GPR158: variants seen among roughly 807,000 people sequenced by gnomAD.
GPR158 encodes the protein G protein-coupled receptor 158.
Under a neutral mutation model 78.2 loss-of-function variants are expected in GPR158, and 30 were observed. That is an observed-to-expected ratio of 0.38 (90% CI 0.29 to 0.52). GPR158 has a LOEUF of 0.52. GPR158 is among the 20% of genes least tolerant of loss of function. The pLI, the probability that GPR158 is intolerant of heterozygous loss-of-function variation, is 0.83. For synonymous variants in GPR158, 581 were observed against 591.1 expected (o/e 0.98, Z 0.25); for missense variants, 1,463 against 1,523.5 (o/e 0.96, Z 0.66).
At chr10:25,241,990 A>G (rs954720502) in intron 2 of GPR158, among the ~76,000 whole-genome samples, 1 of 152,240 alleles carries the variant, frequency 6.6e-6, no homozygotes, top group Non-Finnish European at 1.5e-5. Context: ...TACTTAACAA[A>G]TGTTGGCTAA....
At chr10:25,347,543 G>A (rs1206090027) in intron 2 of GPR158, among the ~76,000 whole-genome samples, 1 of 151,968 alleles carries the variant, frequency 6.6e-6, no homozygotes, top group Non-Finnish European at 1.5e-5. Context: ...CATTATACAA[G>A]CTATTTTCAT....
At chr10:25,220,775 C>A (rs1221528906) in intron 1 of GPR158, among the ~76,000 whole-genome samples, 1 of 152,102 alleles carries the variant, frequency 6.6e-6, no homozygotes, top group Non-Finnish European at 1.5e-5. Context: ...TCCTGGAGTT[C>A]AGGCAATCAA....
At chr10:25,568,379 T>G (rs1366527900) in intron 6 of GPR158, among the ~76,000 whole-genome samples, 1 of 152,138 alleles carries the variant, frequency 6.6e-6, no homozygotes, top group Non-Finnish European at 1.5e-5. Flanking sequence ...TAGAGAAGTC[T>G]GCAATAGAGA....
intron 6 of GPR158, among the ~76,000 whole-genome samples, chr10:25,564,134 A>G (rs1186735915): frequency 1.3e-5 from 2 of 152,090 alleles, no homozygotes; most frequent in Non-Finnish European, 2.9e-5. Context: ...TTCAACAGAG[A>G]TTTTCATAAA....
intron 2 of GPR158, chr10:25,393,895 T>C (rs2130525920): frequency 6.6e-6 from 1 of 152,346 alleles, no homozygotes; most frequent in Non-Finnish European, 1.5e-5. Flanking sequence ...GATTTAGTCT[T>C]ATCTAATCTC....
intron 4 of GPR158, among the ~76,000 whole-genome samples, chr10:25,427,181 A>G (rs1218339773): frequency 6.6e-6 from 1 of 152,118 alleles, no homozygotes; most frequent in Non-Finnish European, 1.5e-5. Flanking sequence ...ATAGATGATT[A>G]TCAATTAACG....
At chr10:25,416,593 G>C (rs1449864426) in intron 4 of GPR158, among the ~76,000 whole-genome samples, 2 of 136,720 alleles carry the variant, frequency 1.5e-5, no homozygotes, top group African/African-American at 5.4e-5. Flanking sequence ...TTCTTGTGTT[G>C]TTATAATAGT....
intron 5 of GPR158, among the ~76,000 whole-genome samples, chr10:25,493,514 A>T (rs988286975): frequency 6.6e-6 from 1 of 152,124 alleles, no homozygotes; most frequent in African/African-American, 2.4e-5. Context: ...AAAATGTTTC[A>T]TTTTTTAGCC....
At chr10:25,383,618 C>T (rs1343059056) in intron 2 of GPR158, among the ~76,000 whole-genome samples, 1 of 152,158 alleles carries the variant, frequency 6.6e-6, no homozygotes, top group Non-Finnish European at 1.5e-5. Flanking sequence ...AAAATTGTAA[C>T]AGGTGTGGGA....
At position 25,589,030 on chromosome 10, in the gene GPR158, G is replaced by C; in HGVS notation, c.1777G>C (p.Gly593Arg). 6.3e-7 allele frequency: 1 copy of C among 1,578,470 alleles called. No homozygotes were observed. The highest frequency in any genetic ancestry group is 8.7e-7 in the Non-Finnish European group (1 of 1,155,554). The change falls in exon 8 of 11, where the codon GGT becomes CGT. Residue 593 changes from glycine to arginine, a missense_variant. By Grantham distance (125) the Gly-to-Arg change is moderately radical. Coordinates refer to ENST00000376351, the MANE Select transcript of GPR158 (RefSeq NM_020752.3). Reference protein sequence around the residue: ...AVAEFLFLLWGVYLCYAVRTV... With the variant: ...AVAEFLFLLWRVYLCYAVRTV... Reference sequence around the variant, plus strand: ...AGCTGAATTTTTATTCCTCTTGTGGGGTGTTTATCTCTGCTATGCAGTGCG... The same window carrying C: ...AGCTGAATTTTTATTCCTCTTGTGGCGTGTTTATCTCTGCTATGCAGTGCG...
intron 2 of GPR158, among the ~76,000 whole-genome samples, chr10:25,263,720 T>C (rs1191632031): frequency 6.6e-6 from 1 of 152,070 alleles, no homozygotes; most frequent in African/African-American, 2.4e-5. Context: ...GTGGATCACC[T>C]GAGGTCAAGA....
chr10:25,559,400 AGCT>A (rs1836832875), intron 6 of GPR158, among the ~76,000 whole-genome samples: 1 of 152,238 alleles, frequency 6.6e-6, no homozygotes, highest in Admixed American at 6.5e-5. Flanking sequence ...AAATTGATAC[AGCT>A]CATCTGAAAT....
intron 2 of GPR158, among the ~76,000 whole-genome samples, chr10:25,236,423 G>A (rs1031071795): frequency 6.6e-6 from 1 of 152,150 alleles, no homozygotes; most frequent in African/African-American, 2.4e-5. Context: ...CGGGAGAATG[G>A]CATGAACCCG....
intron 5 of GPR158, among the ~76,000 whole-genome samples, chr10:25,532,315 AGGGT>A (rs1836435120): frequency 6.6e-6 from 1 of 152,166 alleles, no homozygotes; most frequent in African/African-American, 2.4e-5. Flanking sequence ...TCCCAGGGAC[AGGGT>A]ATGCCTAAGA....
chr10:25,462,869 G>A (rs963467228), intron 4 of GPR158, among the ~76,000 whole-genome samples: 1 of 152,180 alleles, frequency 6.6e-6, no homozygotes, highest in South Asian at 2.1e-4. Flanking sequence ...TGGTGAAGAT[G>A]CTATGGACAT....
chr10:25,313,373 A>G (rs1467983503), intron 2 of GPR158, among the ~76,000 whole-genome samples: 1 of 152,050 alleles, frequency 6.6e-6, no homozygotes, highest in African/African-American at 2.4e-5. Context: ...CGTTTTGCAC[A>G]TGTACCCTAA....
rs1374325688 is a variant in GPR158, at chr10:25,176,885, C to T, written c.902+563C>T. ...GTGCCATCTCCTCGCAGTTCCGGCCCCTCAGCAGTGAGTCAGTCCCAGCAG... is the reference window on the plus strand; with the variant it reads ...GTGCCATCTCCTCGCAGTTCCGGCCTCTCAGCAGTGAGTCAGTCCCAGCAG... On this transcript the variant is annotated intron_variant, in intron 1 of 10. Transcript: ENST00000376351. The surrounding 1 kb of genome is among the most constrained non-coding windows in gnomAD (Gnocchi z 6.3). 6.6e-6 allele frequency among the ~76,000 whole-genome samples: 1 copy of T among 152,186 alleles called. No individual in the cohort carries two copies. The highest frequency in any genetic ancestry group is 1.5e-5 in the Non-Finnish European group (1 of 68,032).
At chr10:25,336,407 C>T (rs1030613204) in intron 2 of GPR158, among the ~76,000 whole-genome samples, 2 of 151,946 alleles carry the variant, frequency 1.3e-5, no homozygotes, top group Non-Finnish European at 2.9e-5. Context: ...TTTTGGTTGC[C>T]TCTCTGACAA....
intron 2 of GPR158, among the ~76,000 whole-genome samples, chr10:25,286,719 C>A (rs1047893735): frequency 6.6e-6 from 1 of 151,914 alleles, no homozygotes; most frequent in South Asian, 2.1e-4. Flanking sequence ...AATGGGTATG[C>A]CTTTCCTTAT....
Sources: gnomAD v4.1 joint callset for allele counts (sites outside exome capture counted in the v4.1 genomes callset) on GRCh38, gnomAD v4.1.1 for gene constraint, Gnocchi (gnomAD v3.1) non-coding constraint, MANE v1.5 for transcripts, NCBI Gene and HGNC (gene_info 2026-07-23, HGNC 2026-07-21) for gene names.